KCNH7: variants seen among roughly 807,000 people sequenced by gnomAD.
KCNH7 encodes the protein potassium voltage-gated channel subfamily H member 7.
KCNH7 carries 49 observed loss-of-function variants against 120.8 expected under a neutral mutation model. That is an observed-to-expected ratio of 0.41 (90% CI 0.32 to 0.51). KCNH7 has a LOEUF of 0.51. KCNH7 is among the 20% of genes least tolerant of loss of function. The pLI, the probability that KCNH7 is intolerant of heterozygous loss-of-function variation, is 0.38. For synonymous variants in KCNH7, 547 were observed against 516.1 expected, an observed-to-expected ratio of 1.06 and a Z score of -0.81; for missense variants, 1,097 against 1,446.6, an observed-to-expected ratio of 0.76 and a Z score of 3.92.
At chr2:162,394,037 A>G (rs1184756858) in intron 12 of KCNH7, among the ~76,000 whole-genome samples, 3 of 152,004 alleles carry the variant, frequency 2.0e-5, no homozygotes, top group South Asian at 4.1e-4. Flanking sequence ...CATGTCATGC[A>G]TGCTTGTGGG....
chr2:162,603,773 T>C (rs1177686650), intron 2 of KCNH7, among the ~76,000 whole-genome samples: 1 of 152,144 alleles, frequency 6.6e-6, no homozygotes, highest in East Asian at 1.9e-4. Context: ...TTGAACACTG[T>C]CCTCAGTGTA....
intron 4 of KCNH7, among the ~76,000 whole-genome samples, chr2:162,513,936 T>C (rs1691197745): frequency 6.6e-6 from 1 of 151,902 alleles, no homozygotes; most frequent in East Asian, 2.0e-4. Flanking sequence ...CAGATTTACT[T>C]TGAGATCAGC....
At chr2:162,502,889 G>T (rs190271035) in intron 6 of KCNH7, among the ~76,000 whole-genome samples, 10 of 152,112 alleles carry the variant, frequency 6.6e-5, no homozygotes, top group Admixed American at 6.5e-4. Flanking sequence ...CTGCACACAG[G>T]CCTTAAGATG....
chr2:162,686,963 TC>T (rs1685914223), intron 2 of KCNH7, among the ~76,000 whole-genome samples: 1 of 152,126 alleles, frequency 6.6e-6, no homozygotes, highest in Non-Finnish European at 1.5e-5. Flanking sequence ...AGTATTTCTG[TC>T]AAAGAGGAGT....
intron 2 of KCNH7, among the ~76,000 whole-genome samples, chr2:162,558,370 T>A (rs190049841): frequency 6.6e-6 from 1 of 152,174 alleles, no homozygotes; most frequent in East Asian, 1.9e-4. Flanking sequence ...GAGACGGGGT[T>A]TCACCATCTT....
chr2:162,668,171 G>T (rs1015959201), intron 2 of KCNH7, among the ~76,000 whole-genome samples: 2 of 152,146 alleles, frequency 1.3e-5, no homozygotes, highest in Non-Finnish European at 2.9e-5. Context: ...CAAAATAAGG[G>T]AAAGGAAGAA....
chr2:162,427,969 C>T (rs1164199089), intron 8 of KCNH7, among the ~76,000 whole-genome samples: 1 of 151,632 alleles, frequency 6.6e-6, no homozygotes, highest in Non-Finnish European at 1.5e-5. Flanking sequence ...CTTCCATTAA[C>T]TTTCTCTCTT....
At chr2:162,711,386 C>T (rs1686924766) in intron 2 of KCNH7, among the ~76,000 whole-genome samples, 2 of 152,206 alleles carry the variant, frequency 1.3e-5, no homozygotes, top group Non-Finnish European at 2.9e-5. Context: ...CTCTGACCAG[C>T]AACACCTTGA....
intron 6 of KCNH7, among the ~76,000 whole-genome samples, chr2:162,467,899 T>C (rs1171352408): frequency 2.6e-5 from 4 of 152,168 alleles, no homozygotes; most frequent in Non-Finnish European, 5.9e-5. Context: ...CACCTTCTTG[T>C]TGCATCCTCA....
At chr2:162,788,750 A>G (rs1327682065) in intron 2 of KCNH7, among the ~76,000 whole-genome samples, 1 of 152,046 alleles carries the variant, frequency 6.6e-6, no homozygotes, top group Non-Finnish European at 1.5e-5. Context: ...ATGGAGAAGG[A>G]GATGAATATC....
intron 2 of KCNH7, among the ~76,000 whole-genome samples, chr2:162,829,023 G>A (rs527589929): frequency 1.1e-3 from 174 of 152,216 alleles, no homozygotes; most frequent in African/African-American, 3.9e-3. Flanking sequence ...AGAGCCCATT[G>A]CTTTTCTTAA....
chr2:162,769,327 C>T (rs1445316693), intron 2 of KCNH7, among the ~76,000 whole-genome samples: 1 of 152,150 alleles, frequency 6.6e-6, no homozygotes, highest in Non-Finnish European at 1.5e-5. Flanking sequence ...AATACCTCTT[C>T]AAAATGCCCA....
At chr2:162,550,501 G>A (rs1396320999) in intron 2 of KCNH7, among the ~76,000 whole-genome samples, 6 of 152,116 alleles carry the variant, frequency 3.9e-5, no homozygotes, top group Admixed American at 6.6e-5. Context: ...ATCTTTCACT[G>A]AGGTTTGTAG....
intron 2 of KCNH7, among the ~76,000 whole-genome samples, chr2:162,561,604 A>G (rs994167512): frequency 3.9e-5 from 6 of 152,098 alleles, no homozygotes; most frequent in Non-Finnish European, 5.9e-5. Context: ...ATGAGATGGT[A>G]TCTATTGTGG....
intron 2 of KCNH7, among the ~76,000 whole-genome samples, chr2:162,827,055 A>T (rs1366327617): frequency 6.6e-6 from 1 of 152,102 alleles, no homozygotes; most frequent in African/African-American, 2.4e-5. Context: ...TGAGGATGAC[A>T]GCCTTTAGGA....
chr2:162,592,572 C>A (rs1415991317), intron 2 of KCNH7, among the ~76,000 whole-genome samples: 2 of 151,994 alleles, frequency 1.3e-5, no homozygotes, highest in Non-Finnish European at 2.9e-5. Context: ...GGTGATCTGG[C>A]TCAAAGAAGC....
intron 6 of KCNH7, among the ~76,000 whole-genome samples, chr2:162,486,654 CTTTTA>C (rs1171263323): frequency 6.6e-6 from 1 of 152,074 alleles, no homozygotes; most frequent in Non-Finnish European, 1.5e-5. Context: ...TCAAGCTTTT[CTTTTA>C]AAGAGTTTTA....
chr2:162,790,938 G>C (rs1451768837), intron 2 of KCNH7, among the ~76,000 whole-genome samples: 1 of 151,980 alleles, frequency 6.6e-6, no homozygotes, highest in Non-Finnish European at 1.5e-5. Context: ...TCACCACTTG[G>C]TATTCAACAT....
intron 2 of KCNH7, among the ~76,000 whole-genome samples, chr2:162,597,452 C>A (rs1046875055): frequency 2.0e-5 from 3 of 151,980 alleles, no homozygotes; most frequent in African/African-American, 7.2e-5. Context: ...AGACAAATAT[C>A]ACATGGTCTC....
Sources: gnomAD v4.1 joint callset for allele counts (sites outside exome capture counted in the v4.1 genomes callset) on GRCh38, gnomAD v4.1.1 for gene constraint, MANE v1.5 for transcripts, NCBI Gene and HGNC (gene_info 2026-07-23, HGNC 2026-07-21) for gene names.